The following SMN2 variants were observed in gnomAD, a reference collection of about 807,000 sequenced individuals.
SMN2 encodes survival of motor neuron 2, centromeric, also known as survival motor neuron protein.
In SMN2, 1 loss-of-function variant was observed where a neutral mutation model predicts 2.8. The observed-to-expected ratio is 0.35, with a 90% CI of 0.13 to 1.68. SMN2 has a LOEUF of 1.68. Among genes scored for constraint, SMN2 ranks in the 40% most tolerant of loss-of-function variants. The pLI is 0.35. For missense variants in SMN2, 12 were observed against 16.9 expected, an observed-to-expected ratio of 0.71 and a Z score of 0.51; for synonymous variants, 5 against 5.0, an observed-to-expected ratio of 0.99 and a Z score of 0.01.
At chr5:70,075,509 C>T (rs1246552118) in intron 7 of SMN2, among the ~76,000 whole-genome samples, 3 of 119,946 alleles carry the variant, frequency 2.5e-5, no homozygotes, top group South Asian at 2.6e-4. Flanking sequence ...CCACTGTGCC[C>T]GGCCTAGTCT....
At chr5:70,079,915 G>A (rs1580737392), downstream of SMN2, among the ~76,000 whole-genome samples, 1 of 103,198 alleles carries the variant, frequency 9.7e-6, no homozygotes. Context: ...GGCTCCCAAA[G>A]TGCTAGGATT....
downstream of SMN2, among the ~76,000 whole-genome samples, chr5:70,083,468 C>T (rs1292729643): frequency 7.4e-6 from 1 of 135,924 alleles, no homozygotes; most frequent in Non-Finnish European, 1.5e-5. Context: ...ACCCAAAGGA[C>T]TATAAATCAT....
downstream of SMN2, among the ~76,000 whole-genome samples, chr5:70,082,319 A>AT (rs1439475573): frequency 1.6e-5 from 2 of 122,146 alleles, no homozygotes; most frequent in African/African-American, 8.2e-5. Context: ...TTAGTCTAAA[A>AT]TTCTCTTTTT....
At chr5:70,053,085 T>C (rs1428193942) in intron 1 of SMN2, among the ~76,000 whole-genome samples, 3 of 37,362 alleles carry the variant, frequency 8.0e-5, no homozygotes, top group Non-Finnish European at 1.6e-4. Context: ...AGTGAGTGAG[T>C]AGCTGAGATT....
At position 70,070,208 on chromosome 5, in the gene SMN2, A is replaced by AT. The variant is rs879531065; in HGVS notation, c.724-421dup. Among the ~76,000 whole-genome samples, 95 of 116,600 alleles carry AT rather than the reference A, an allele frequency of 8.1e-4. 1 individual carries two copies. The highest frequency in any genetic ancestry group is 1.8e-3 in the East Asian group (7 of 3,986). The allele number at this position is 116,600 out of a possible 152,430, so 76.5% of individuals were successfully genotyped here. A position where few individuals can be genotyped will look rare whatever the true frequency, so the allele number is the denominator to read the frequency against. ...AAAAGCATGAAAGTATTTATGCTTG[A>AT]TTTTTTTTTTTTACTCATAGCTTCA... On this transcript the variant is annotated intron_variant, in intron 6 of 8. Transcript: ENST00000380743.
chr5:70,070,587 C>T (rs62374808), intron 6 of SMN2, 54 bp from the exon 7 acceptor site: 778 of 12,854 alleles, frequency 0.061, 7 homozygotes, highest in Middle Eastern at 0.14. Flanking sequence ...TATAAATCTC[C>T]AGACTTTACT....
At chr5:70,079,454 C>T (rs1193830395), downstream of SMN2, among the ~76,000 whole-genome samples, 14 of 147,174 alleles carry the variant, frequency 9.5e-5, no homozygotes, top group African/African-American at 3.1e-4. Flanking sequence ...AAAAAAAACA[C>T]GTTACTAAGA....
chr5:70,071,649 G>C (rs1440393821), intron 7 of SMN2, among the ~76,000 whole-genome samples: 4 of 143,302 alleles, frequency 2.8e-5, no homozygotes, highest in Admixed American at 7.0e-5. Flanking sequence ...CCGAGTAGCT[G>C]GGACTACAGG....
chr5:70,079,397 A>G (rs1398087781), downstream of SMN2, among the ~76,000 whole-genome samples: 1 of 136,926 alleles, frequency 7.3e-6, no homozygotes, highest in African/African-American at 2.9e-5. Flanking sequence ...GTGCCACTGT[A>G]CTCAAGCCTG....
At position 70,074,553 on chromosome 5, in the gene SMN2, G is replaced by T. The variant is rs1397300006; in HGVS notation, c.835-1968G>T. ...AGCTACTCAGGAGGCTGAGGCAGGA[G>T]AATTGCTTGAACCTGGGAGGTGGAG... is the stretch of plus-strand genomic sequence containing the variant. On this transcript the variant is annotated intron_variant, in intron 7 of 8. Transcript: ENST00000380743. 5.2e-4 allele frequency among the ~76,000 whole-genome samples: 62 copies of T among 120,126 alleles called. 5 individuals carry two copies. The highest frequency in any genetic ancestry group is 1.4e-3 in the Admixed American group (16 of 11,112). 78.8% of individuals were successfully genotyped at this position (120,126 alleles called of 152,430 possible). A position where few individuals can be genotyped will look rare whatever the true frequency, so the allele number is the denominator to read the frequency against.
rs1454047811 is a variant in SMN2 at position 70,076,679 on chromosome 5, T to G, written c.*3+105T>G. On this transcript the variant is annotated intron_variant, in intron 8 of 8. Coordinates refer to ENST00000380743, the MANE Select transcript of SMN2 (RefSeq NM_017411.4). ...TTTAAAAAGTTCAGATGTTAGAAAG[T>G]TGAAAGGTTAATGTAAAACAATCAA... The G allele has an allele frequency of 1.4e-6, 2 of 1,392,096 alleles. 1 individual carries two copies. The highest frequency in any genetic ancestry group is 3.7e-5 in the African/African-American group (2 of 54,352). 86.2% of individuals were successfully genotyped at this position (1,392,096 alleles called of 1,614,324 possible).
At chr5:70,076,396 T>C in intron 7 of SMN2, 125 bp from the exon 8 acceptor site, 1 of 500,464 alleles carries the variant, frequency 2.0e-6, no homozygotes, top group South Asian at 2.5e-5. Flanking sequence ...TCATATTTTG[T>C]TGAATAAAAT....
rs1196926426 is a variant in SMN2 at position 70,076,044 on chromosome 5, G to A, written c.835-477G>A. On this transcript the variant is annotated intron_variant, in intron 7 of 8. Coordinates refer to ENST00000380743, the MANE Select transcript of SMN2 (RefSeq NM_017411.4). ...AATTTTTTGTACTTTCAGTAGAAAC[G>A]GGGTTTTGCCATGTTGGCCAGGCTG... is the stretch of plus-strand genomic sequence containing the variant. 4.0e-5 allele frequency among the ~76,000 whole-genome samples: 5 copies of A among 125,856 alleles called. 1 individual carries two copies. Among genetic ancestry groups the A allele is most frequent in the East Asian group, 2.1e-4 (1 of 4,734 alleles). The allele number at this position is 125,856 out of a possible 152,430, so 82.6% of individuals were successfully genotyped here. A position where few individuals can be genotyped will look rare whatever the true frequency, so the allele number is the denominator to read the frequency against.
intron 7 of SMN2, chr5:70,071,088 CTTTTTTTTTTTT>C (rs1164147978): frequency 7.7e-5 from 4 of 52,084 alleles, no homozygotes; most frequent in East Asian, 6.1e-4. Context: ...AAATGAAATT[CTTTTTTTTTTTT>C]TTTTTTTTTT....
chr5:70,080,423 GTTC>G (rs1346699947), downstream of SMN2, among the ~76,000 whole-genome samples: 1 of 102,290 alleles, frequency 9.8e-6, no homozygotes, highest in African/African-American at 4.7e-5. Flanking sequence ...TTCATATAAT[GTTC>G]TTCAATAGAT....
At chr5:70,079,662 C>G (rs1190643318), downstream of SMN2, among the ~76,000 whole-genome samples, 1 of 135,666 alleles carries the variant, frequency 7.4e-6, no homozygotes, top group Non-Finnish European at 1.5e-5. Context: ...GAGGCTGAGG[C>G]AAAAGGATCA....
the SMN2 span, among the ~76,000 whole-genome samples, chr5:70,083,587 TA>T: frequency 2.9e-5 from 4 of 136,330 alleles, 1 homozygote; most frequent in East Asian, 8.3e-4. Context: ...ATTAAGAAAA[TA>T]TGGCACATAT....
At chr5:70,079,773 A>G (rs571705504), downstream of SMN2, among the ~76,000 whole-genome samples, 157 of 122,354 alleles carry the variant, frequency 1.3e-3, 1 homozygote, top group African/African-American at 5.6e-3. Flanking sequence ...AAAAAAACCA[A>G]ACCAAAGCAA....
chr5:70,083,689 A>C, the SMN2 span, among the ~76,000 whole-genome samples: 4 of 132,736 alleles, frequency 3.0e-5, no homozygotes, highest in African/African-American at 1.3e-4. Flanking sequence ...ATTCTCAGTA[A>C]ACTATCGCAA....
Sources: gnomAD v4.1 joint callset for allele counts (sites outside exome capture counted in the v4.1 genomes callset) on GRCh38, gnomAD v4.1.1 for gene constraint, MANE v1.5 for transcripts, NCBI Gene and HGNC (gene_info 2026-07-23, HGNC 2026-07-21) for gene names.